The following CYFIP2 variants were observed in gnomAD, a reference collection of about 807,000 sequenced individuals.
CYFIP2 encodes the protein cytoplasmic FMR1 interacting protein 2.
A neutral mutation model predicts 158.7 loss-of-function variants in CYFIP2; 29 were observed. The ratio of observed to expected loss-of-function variants is 0.18; its 90% confidence interval spans 0.14 to 0.25. The LOEUF is 0.25. CYFIP2 is among the 10% of genes least tolerant of loss of function. The pLI, the probability that CYFIP2 is intolerant of heterozygous loss-of-function variation, is 1.00. For missense variants in CYFIP2, 852 were observed against 1,639.5 expected (o/e 0.52, Z 8.29); for synonymous variants, 585 against 617.6 (o/e 0.95, Z 0.78).
intron 28 of CYFIP2, among the ~76,000 whole-genome samples, chr5:157,388,784 A>G (rs1253716607): frequency 6.6e-6 from 1 of 152,190 alleles, no homozygotes; most frequent in Non-Finnish European, 1.5e-5. Context: ...ATGGGATGGA[A>G]TGGACTCAAT....
At chr5:157,319,210 G>A (rs73815821) in intron 13 of CYFIP2, among the ~76,000 whole-genome samples, 1,615 of 152,268 alleles carry the variant, frequency 0.011, 34 homozygotes, top group African/African-American at 0.036. Flanking sequence ...AAGGAGAAGG[G>A]AAATAGGGGA....
At chr5:157,379,668 CA>C (rs70984468) in intron 26 of CYFIP2, among the ~76,000 whole-genome samples, 1,275 of 73,568 alleles carry the variant, frequency 0.017, 7 homozygotes, top group African/African-American at 0.028. Flanking sequence ...GACCCTGTCT[CA>C]AAAAAAAAAA....
chr5:157,274,864 T>C (rs1369424237), intron 1 of CYFIP2, among the ~76,000 whole-genome samples: 1 of 152,252 alleles, frequency 6.6e-6, no homozygotes, highest in African/African-American at 2.4e-5. Flanking sequence ...GAGAAAAATC[T>C]GTTCCTTGCC....
Position 157,287,115 on chromosome 5 carries a change from C to A in CYFIP2, c.207+7C>A. The A allele has an allele frequency of 6.2e-7, 1 of 1,612,148 alleles. No homozygotes were observed. Among genetic ancestry groups the A allele is most frequent in the South Asian group, 1.1e-5 (1 of 90,978 alleles). On this transcript the variant is annotated splice_region_variant and intron_variant, in intron 3 of 30. Transcript: ENST00000620254. ...TACAGTCCACTCCAGCATGGTAAGT[C>A]TCTGTGACCCACGTGTGCAGACATG...
rs80211220 is a variant in CYFIP2 at position 157,283,640 on chromosome 5, C to T, written c.-23-1699C>T. Reference sequence around the variant, plus strand: ...GAGCCCTCACTGGATGCAGCATTTGCTGTTGTCATGGTACGTGATGGGAAG... The same window carrying T: ...GAGCCCTCACTGGATGCAGCATTTGTTGTTGTCATGGTACGTGATGGGAAG... On this transcript the variant is annotated intron_variant, in intron 1 of 30. Coordinates refer to ENST00000620254, the MANE Select transcript of CYFIP2 (RefSeq NM_001037333.3). Among the ~76,000 whole-genome samples, 80 of 152,242 alleles carry T rather than the reference C, an allele frequency of 5.3e-4. No homozygotes were observed. The East Asian group carries it at 0.014, about 27-fold the overall frequency.
intron 28 of CYFIP2, among the ~76,000 whole-genome samples, chr5:157,386,927 TAAAAA>T (rs554742130): frequency 7.5e-6 from 1 of 132,472 alleles, no homozygotes; most frequent in Non-Finnish European, 1.6e-5. Context: ...CTCGAAGATT[TAAAAA>T]AAAAAAAAAA....
Position 157,393,057 on chromosome 5 carries a change from C to A in CYFIP2, c.*57C>A. On this transcript the variant is annotated 3_prime_UTR_variant, in exon 31 of 31. Transcript: ENST00000620254. ...AGGAAGAGAAGCAGGAGAGAGAAAG[C>A]CACAGCCAGCCTGCCATAGGATCCA... The A allele has an allele frequency of 6.3e-7, 1 of 1,583,090 alleles. No individual in the cohort carries two copies. The highest frequency in any genetic ancestry group is 8.6e-7 in the Non-Finnish European group (1 of 1,164,236).
chr5:157,278,200 G>GTATATA (rs1262436306), intron 1 of CYFIP2, among the ~76,000 whole-genome samples: 2 of 151,494 alleles, frequency 1.3e-5, no homozygotes, highest in Non-Finnish European at 2.9e-5. Context: ...ATACATATGT[G>GTATATA]TATATATATG....
In CYFIP2 at chr5:157,300,907, C is replaced by A; in HGVS notation, c.569+11C>A. On this transcript the variant is annotated intron_variant, in intron 6 of 30. Coordinates refer to ENST00000620254, the MANE Select transcript of CYFIP2 (RefSeq NM_001037333.3). ...CTCTGCCTACAAGAGGTCAGGGCAA[C>A]CTCCCCCTCTCCCCTTTCCCCATCC... is the stretch of plus-strand genomic sequence containing the variant. 1 of 1,542,386 alleles carries A rather than the reference C, an allele frequency of 6.5e-7. No individual in the cohort carries two copies.
At chr5:157,309,404 C>A (rs537098421) in intron 9 of CYFIP2, among the ~76,000 whole-genome samples, 125 of 152,302 alleles carry the variant, frequency 8.2e-4, no homozygotes, top group African/African-American at 2.8e-3. Flanking sequence ...TGCTTTAAGC[C>A]AGGGAAGATT....
At chr5:157,290,973 A>C (rs1477829226) in intron 3 of CYFIP2, among the ~76,000 whole-genome samples, 1 of 152,200 alleles carries the variant, frequency 6.6e-6, no homozygotes, top group African/African-American at 2.4e-5. Context: ...CTGAGTGATC[A>C]CTGGATCTGT....
At chr5:157,369,103 C>T (rs879726645) in intron 26 of CYFIP2, among the ~76,000 whole-genome samples, 7 of 151,896 alleles carry the variant, frequency 4.6e-5, no homozygotes, top group South Asian at 2.1e-4. Context: ...TTCACCATAT[C>T]GGCCAGGCTG....
chr5:157,310,101 G>C (rs1053348937), intron 10 of CYFIP2, among the ~76,000 whole-genome samples: 4 of 152,236 alleles, frequency 2.6e-5, no homozygotes, highest in African/African-American at 9.6e-5. Flanking sequence ...CAGCAGGACA[G>C]CAGGAGTCCA....
chr5:157,382,630 T>A lies in CYFIP2; in HGVS notation c.3080T>A (p.Phe1027Tyr), dbSNP rs760142049. The change falls in exon 27 of 31, where the codon TTC becomes TAC. Residue 1027 changes from phenylalanine to tyrosine, a missense_variant. Phe to Tyr is a conservative substitution (Grantham distance 22). Around this residue, in one of 8 missense-constraint regions of CYFIP2, gnomAD observed 223 missense variants for 381.6 expected, o/e 0.58. Transcript: ENST00000620254. ...EVCDLLHAAP[F>Y]QNILPRVYIK... ...TGCGATTTGCTCCATGCCGCACCCT[T>A]CCAAAACATCTTGCCTAGAGTCTAC... 1.2e-6 allele frequency: 2 copies of A among 1,613,992 alleles called. No homozygotes were observed. Among genetic ancestry groups the A allele is most frequent in the Non-Finnish European group, 1.7e-6 (2 of 1,179,888 alleles).
intron 21 of CYFIP2, 137 bp from the exon 22 acceptor site, chr5:157,338,920 G>C (rs1762050280): frequency 1.3e-6 from 1 of 761,210 alleles, no homozygotes; most frequent in South Asian, 1.8e-5. Flanking sequence ...TACTGTAAGG[G>C]TCCTAGTTCC....
intron 23 of CYFIP2, chr5:157,342,264 T>C (rs566392663): frequency 2.0e-4 from 31 of 152,732 alleles, no homozygotes; most frequent in African/African-American, 7.0e-4. Context: ...TGAAAATAAG[T>C]TTACGCTTAA....
chr5:157,281,163 T>C (rs889456221), intron 1 of CYFIP2, among the ~76,000 whole-genome samples: 18 of 152,242 alleles, frequency 1.2e-4, no homozygotes, highest in African/African-American at 4.3e-4. Flanking sequence ...TGCCCTCTTA[T>C]ATTTCCTGTG....
At chr5:157,299,998 G>T (rs765244233) in intron 5 of CYFIP2, among the ~76,000 whole-genome samples, 1 of 152,100 alleles carries the variant, frequency 6.6e-6, no homozygotes, top group Non-Finnish European at 1.5e-5. Flanking sequence ...GCTCTACCCC[G>T]GGACCTAGAA....
At chr5:157,338,956 G>A in intron 21 of CYFIP2, 101 bp from the exon 22 acceptor site, 2 of 1,228,882 alleles carry the variant, frequency 1.6e-6, no homozygotes, top group Non-Finnish European at 2.3e-6. Context: ...GAGGTTGTCT[G>A]AGCAGCTGTC....
Sources: allele counts gnomAD v4.1 joint callset (sites outside exome capture counted in the v4.1 genomes callset), GRCh38; gene constraint gnomAD v4.1.1; regional missense constraint gnomAD v4.1.1; transcripts MANE v1.5; gene names NCBI Gene and HGNC (gene_info 2026-07-23, HGNC 2026-07-21).